Variants in DIAPH2 observed in about 807,000 individuals in gnomAD.
DIAPH2 encodes diaphanous related formin 2.
In DIAPH2, 35 loss-of-function variants were observed where a neutral mutation model predicts 92.7. The ratio of observed to expected loss-of-function variants is 0.38; its 90% CI spans 0.29 to 0.50. The LOEUF is 0.50. DIAPH2 is among the 20% of genes least tolerant of loss of function. The pLI is 0.94. For synonymous variants in DIAPH2, 301 were observed against 280.4 expected (o/e 1.07, Z -0.73); for missense variants, 701 against 819.5 (o/e 0.86, Z 1.77).
intron 22 of DIAPH2, among the ~76,000 whole-genome samples, chrX:97,236,722 T>G (rs911443532): frequency 1.8e-5 from 2 of 109,291 alleles, no homozygotes; most frequent in Non-Finnish European, 3.8e-5. Context: ...TTTTTTGTAT[T>G]TTTAGTAGAG....
chrX:97,604,267 G>A lies in DIAPH2; in HGVS notation c.*4950G>A, dbSNP rs1342772539. On this transcript the variant is annotated 3_prime_UTR_variant, in exon 27 of 27. Coordinates refer to ENST00000324765, the MANE Select transcript of DIAPH2 (RefSeq NM_006729.5). Reference sequence around the variant, plus strand: ...TCTCTTATAAGGACACTTGTGACGGGACTTAGGGCCCATCCAGATTACCCA... The same window carrying A: ...TCTCTTATAAGGACACTTGTGACGGAACTTAGGGCCCATCCAGATTACCCA... The A allele has an allele frequency of 2.7e-5, 3 of 111,634 alleles. No individual in the cohort carries two copies. Among genetic ancestry groups the A allele is most frequent in the Non-Finnish European group, 5.7e-5 (3 of 53,083 alleles). 9.2% of individuals were successfully genotyped at this position (111,634 alleles called of 1,213,427 possible).
chrX:96,939,490 A>ATATATATATATATATG (rs1569430970), intron 12 of DIAPH2, 108 bp downstream of exon 12: 12 of 104,601 alleles, frequency 1.1e-4, no homozygotes, highest in South Asian at 8.2e-4. Context: ...GTGTGTATGT[A>ATATATATATATATATG]TATATATATG....
chrX:97,087,358 G>T (rs1443497291), intron 19 of DIAPH2, among the ~76,000 whole-genome samples: 1 of 111,733 alleles, frequency 8.9e-6, no homozygotes, highest in Non-Finnish European at 1.9e-5. Flanking sequence ...GTATATAGCT[G>T]AATAGTGTTG....
chrX:97,125,115 CAGAG>C (rs778429019), intron 21 of DIAPH2, among the ~76,000 whole-genome samples: 2 of 111,097 alleles, frequency 1.8e-5, no homozygotes, highest in East Asian at 5.7e-4. Flanking sequence ...ATTGGATAAT[CAGAG>C]AGAAACAGGA....
At chrX:97,127,148 A>G (rs763636647) in intron 21 of DIAPH2, among the ~76,000 whole-genome samples, 1 of 107,198 alleles carries the variant, frequency 9.3e-6, no homozygotes, top group East Asian at 2.8e-4. Flanking sequence ...CCAATTCACT[A>G]ATTAGTCACA....
intron 22 of DIAPH2, among the ~76,000 whole-genome samples, chrX:97,245,867 A>G (rs1235026564): frequency 3.6e-5 from 4 of 110,489 alleles, no homozygotes; most frequent in African/African-American, 6.6e-5. Flanking sequence ...CGTGTAACCT[A>G]AATAACATAA....
intron 22 of DIAPH2, among the ~76,000 whole-genome samples, chrX:97,196,458 A>G (rs2067704866): frequency 8.9e-6 from 1 of 112,274 alleles, no homozygotes; most frequent in Non-Finnish European, 1.9e-5. Context: ...ATATGGTTCT[A>G]GTGGTATAAA....
At chrX:97,419,093 A>AT (rs1052877044) in intron 25 of DIAPH2, among the ~76,000 whole-genome samples, 22 of 106,233 alleles carry the variant, frequency 2.1e-4, no homozygotes, top group South Asian at 1.6e-3. Context: ...ACCTAGCATG[A>AT]TTTTTTTTTT....
At chrX:96,976,670 T>C (rs1159017219) in intron 17 of DIAPH2, among the ~76,000 whole-genome samples, 1 of 110,885 alleles carries the variant, frequency 9.0e-6, no homozygotes, top group Non-Finnish European at 1.9e-5. Flanking sequence ...AAGTCACCAA[T>C]TGTAGAGAGA....
chrX:97,515,444 G>C (rs1055114270), intron 26 of DIAPH2, among the ~76,000 whole-genome samples: 2 of 112,257 alleles, frequency 1.8e-5, no homozygotes, highest in African/African-American at 6.5e-5. Context: ...CGGTACCTCA[G>C]ATGGAAATGC....
At chrX:97,427,591 T>C (rs2070080916) in intron 25 of DIAPH2, among the ~76,000 whole-genome samples, 1 of 112,533 alleles carries the variant, frequency 8.9e-6, no homozygotes, top group Admixed American at 9.4e-5. Context: ...GGTCTTTTTT[T>C]TTCTATTGAA....
At chrX:97,434,593 G>T (rs1411701581) in intron 26 of DIAPH2, among the ~76,000 whole-genome samples, 3 of 108,708 alleles carry the variant, frequency 2.8e-5, no homozygotes, top group Non-Finnish European at 5.7e-5. Context: ...TTAATTTTTA[G>T]TAGAGACGAG....
chrX:97,383,903 G>A lies in DIAPH2; in HGVS notation c.3010-6G>A, dbSNP rs1417940530. Reference sequence around the variant, plus strand: ...GGTTTCCATTTAACTTTGTTTATATGTATAGGAAGCAGTGAGAGAAAACAA... The same window carrying A: ...GGTTTCCATTTAACTTTGTTTATATATATAGGAAGCAGTGAGAGAAAACAA... On this transcript the variant is annotated splice_region_variant and splice_polypyrimidine_tract_variant and intron_variant, in intron 24 of 26. Coordinates refer to ENST00000324765, the MANE Select transcript of DIAPH2 (RefSeq NM_006729.5). The A allele has an allele frequency of 1.7e-6, 2 of 1,184,540 alleles. No individual in the cohort carries two copies. Among genetic ancestry groups the A allele is most frequent in the Admixed American group, 2.4e-5 (1 of 41,695 alleles).
At chrX:97,113,976 A>G (rs1422126373) in intron 20 of DIAPH2, among the ~76,000 whole-genome samples, 1 of 111,758 alleles carries the variant, frequency 8.9e-6, no homozygotes, top group Non-Finnish European at 1.9e-5. Flanking sequence ...TAAAACAATT[A>G]TTATCATAGT....
chrX:96,887,624 T>C (rs770763460), intron 5 of DIAPH2, among the ~76,000 whole-genome samples: 125 of 111,832 alleles, frequency 1.1e-3, no homozygotes, highest in Non-Finnish European at 1.9e-3. Flanking sequence ...TGGTCATAAT[T>C]ATTAGTGATC....
At chrX:97,113,850 G>C (rs1448151966) in intron 20 of DIAPH2, among the ~76,000 whole-genome samples, 2 of 111,826 alleles carry the variant, frequency 1.8e-5, no homozygotes, top group Middle Eastern at 9.3e-3. Flanking sequence ...TATTTTCACT[G>C]TGTGCATGTG....
At chrX:96,833,184 A>G (rs1176399341) in intron 4 of DIAPH2, among the ~76,000 whole-genome samples, 1 of 111,361 alleles carries the variant, frequency 9.0e-6, no homozygotes, top group Non-Finnish European at 1.9e-5. Context: ...ATTTAGCTCT[A>G]AAGTATGTGG....
chrX:96,880,205 C>A (rs760645784), intron 4 of DIAPH2, among the ~76,000 whole-genome samples: 2 of 111,166 alleles, frequency 1.8e-5, no homozygotes, highest in African/African-American at 6.5e-5. Context: ...AATTCATGAC[C>A]GGTGTTAGTT....
intron 3 of DIAPH2, among the ~76,000 whole-genome samples, chrX:96,756,964 CTGG>C (rs2064234483): frequency 1.1e-5 from 1 of 88,562 alleles, no homozygotes; most frequent in Non-Finnish European, 2.1e-5. Flanking sequence ...GTCACCCAGG[CTGG>C]AGTGCAGTGG....
Sources: allele counts gnomAD v4.1 joint callset (sites outside exome capture counted in the v4.1 genomes callset), GRCh38; gene constraint gnomAD v4.1.1; transcripts MANE v1.5; gene names NCBI Gene and HGNC (gene_info 2026-07-23, HGNC 2026-07-21).